CFAP91: variants seen among roughly 807,000 people sequenced by gnomAD.
CFAP91 encodes the protein cilia- and flagella-associated protein 91.
Under a neutral mutation model 95.9 loss-of-function variants are expected in CFAP91, and 85 were observed. The ratio of observed to expected loss-of-function variants is 0.89; its 90% CI spans 0.74 to 1.06. The LOEUF (loss-of-function observed/expected upper bound fraction) is 1.06. Among genes scored for constraint, CFAP91 ranks in the 50% least tolerant of loss-of-function variants. CFAP91 has a pLI of 0.00. For synonymous variants in CFAP91, 335 were observed against 327.5 expected, an observed-to-expected ratio of 1.02 and a Z score of -0.25; for missense variants, 962 against 943.4, an observed-to-expected ratio of 1.02 and a Z score of -0.26.
Position 119,730,245 on chromosome 3 carries a change from C to A in CFAP91, c.886C>A (p.Leu296Ile), listed in dbSNP as rs1160606978. The change falls in exon 8 of 18, where the codon CTA becomes ATA. Residue 296 changes from leucine (L) to isoleucine (I), a missense_variant. By Grantham distance (5) the Leu-to-Ile change is conservative. Transcript: ENST00000273390. ...EKLQEIRLEV[L>I]KELLRKREEN... is the part of the protein sequence containing the mutation. ...ACTGCAGGAGATTCGCCTGGAAGTT[C>A]TAAAAGAGCTGTTGAGGAAGCGTGA... 1.2e-6 allele frequency: 2 copies of A among 1,613,692 alleles called. No homozygotes were observed. The highest frequency in any genetic ancestry group is 1.7e-6 in the Non-Finnish European group (2 of 1,179,882).
At chr3:119,705,511 G>T (rs540631584) in intron 1 of CFAP91, among the ~76,000 whole-genome samples, 2 of 152,222 alleles carry the variant, frequency 1.3e-5, no homozygotes, top group Admixed American at 6.5e-5. Context: ...CTGTTCTTCA[G>T]ATGTATCAGG....
Position 119,706,856 on chromosome 3 carries a change from A to G in CFAP91, c.172A>G (p.Ile58Val), listed in dbSNP as rs1354596062. The change falls in exon 2 of 18, where the codon ATC becomes GTC. Residue 58 changes from isoleucine to valine, a missense_variant. Ile to Val is a conservative substitution (Grantham distance 29, BLOSUM62 3). Transcript: ENST00000273390. ...SSEKDHTQAN[I>V]QATLIRSRLR... is the part of the protein sequence containing the mutation. ...TGAGAAAGACCATACACAGGCAAAT[A>G]TCCAAGCTACCCTGATTCGCAGCAG... is the stretch of plus-strand genomic sequence containing the variant. 2 of 1,613,206 alleles carry G rather than the reference A, an allele frequency of 1.2e-6. No homozygotes were observed. Among genetic ancestry groups the G allele is most frequent in the African/African-American group, 1.3e-5 (1 of 74,596 alleles).
intron 17 of CFAP91, among the ~76,000 whole-genome samples, chr3:119,755,598 C>T (rs2054412157): frequency 6.6e-6 from 1 of 152,150 alleles, no homozygotes; most frequent in African/African-American, 2.4e-5. Context: ...TCAACCAAAA[C>T]TAACCATGCT....
intron 16 of CFAP91, 85 bp downstream of exon 16, chr3:119,747,987 G>C: frequency 9.6e-7 from 1 of 1,040,834 alleles, no homozygotes; most frequent in African/African-American, 1.6e-5. Context: ...ATTAAACAGA[G>C]GGATGAGGAA....
In CFAP91 at chr3:119,724,037, G is replaced by T. The variant is rs1259263906; in HGVS notation, c.683-2134G>T. Among the ~76,000 whole-genome samples the T allele has an allele frequency of 3.9e-5, 6 of 151,988 alleles. No individual in the cohort carries two copies. In the East Asian group the frequency reaches 7.7e-4, roughly 20 times the overall value. On this transcript the variant is annotated intron_variant, in intron 6 of 17. Transcript: ENST00000273390. ...AAATGAGCCAGGCGTGGTGGCAGGTGCCTGTAAGTAATCCCAGCTACTAGG... is the reference window on the plus strand; with the variant it reads ...AAATGAGCCAGGCGTGGTGGCAGGTTCCTGTAAGTAATCCCAGCTACTAGG...
rs770777389 is a variant in CFAP91 at position 119,736,268 on chromosome 3, G to GTTTTTTT, written c.1345-1083_1345-1077dup. Among the ~76,000 whole-genome samples the GTTTTTTT allele has an allele frequency of 1.7e-3, 146 of 85,308 alleles. 1 individual carries two copies. Among genetic ancestry groups the GTTTTTTT allele is most frequent in the African/African-American group, 1.9e-3 (39 of 20,608 alleles). The allele number at this position is 85,308 out of a possible 152,430, so 56.0% of individuals were successfully genotyped here. ...ACCACTATTCTACTTTCTTTCTATT[G>GTTTTTTT]TTTTTTTTTTTTTTTTTTTTTGAGT... On this transcript the variant is annotated intron_variant, in intron 10 of 17. Transcript: ENST00000273390.
At chr3:119,744,719 C>T (rs75262697) in intron 14 of CFAP91, among the ~76,000 whole-genome samples, 7 of 152,074 alleles carry the variant, frequency 4.6e-5, no homozygotes, top group South Asian at 2.1e-4. Flanking sequence ...GTTTATATTT[C>T]GTTTGGGACA....
intron 13 of CFAP91, among the ~76,000 whole-genome samples, chr3:119,743,433 C>T (rs886474977): frequency 5.9e-5 from 9 of 152,150 alleles, no homozygotes; most frequent in South Asian, 4.1e-4. Flanking sequence ...TGTGCTATTT[C>T]GAATATTGTT....
At chr3:119,718,573 C>A (rs535333674) in intron 6 of CFAP91, among the ~76,000 whole-genome samples, 2 of 151,560 alleles carry the variant, frequency 1.3e-5, no homozygotes, top group African/African-American at 4.8e-5. Flanking sequence ...GAGTACCAAG[C>A]AGAATGATTT....
intron 7 of CFAP91, 78 bp from the exon 8 acceptor site, chr3:119,730,142 G>C: frequency 7.2e-7 from 1 of 1,397,338 alleles, no homozygotes; most frequent in Non-Finnish European, 9.9e-7. Flanking sequence ...ACAGAGAAGA[G>C]CCTGTCTGTG....
intron 1 of CFAP91, among the ~76,000 whole-genome samples, chr3:119,704,906 A>C (rs1298643243): frequency 1.3e-5 from 2 of 152,258 alleles, no homozygotes; most frequent in Non-Finnish European, 2.9e-5. Context: ...TCAGTACAAT[A>C]ACATGCTGTA....
chr3:119,752,718 GTGACC>G (rs1234576469), intron 17 of CFAP91, among the ~76,000 whole-genome samples: 1 of 152,124 alleles, frequency 6.6e-6, no homozygotes, highest in Non-Finnish European at 1.5e-5. Flanking sequence ...GACATCCATA[GTGACC>G]TGTGAAATCA....
At position 119,730,234 on chromosome 3, in the gene CFAP91, G is replaced by A. The variant is rs201238294; in HGVS notation, c.875G>A (p.Arg292His). 37 of 1,613,484 alleles carry A rather than the reference G, an allele frequency of 2.3e-5. No homozygotes were observed. Among genetic ancestry groups the A allele is most frequent in the South Asian group, 9.9e-5 (9 of 90,968 alleles). Reference sequence around the variant, plus strand: ...TTTACTTGAAGACTGCAGGAGATTCGCCTGGAAGTTCTAAAAGAGCTGTTG... The same window carrying A: ...TTTACTTGAAGACTGCAGGAGATTCACCTGGAAGTTCTAAAAGAGCTGTTG... Reference protein sequence around the residue: ...EQEIEKLQEIRLEVLKELLRK... With the variant: ...EQEIEKLQEIHLEVLKELLRK... The change falls in exon 8 of 18, where the codon CGC becomes CAC. Residue 292 changes from arginine (R) to histidine (H), a missense_variant. Transcript: ENST00000273390.
intron 1 of CFAP91, among the ~76,000 whole-genome samples, chr3:119,704,206 A>C (rs1394894598): frequency 2.0e-5 from 3 of 152,198 alleles, no homozygotes; most frequent in Non-Finnish European, 4.4e-5. Flanking sequence ...TTTGAGAAGG[A>C]GGACAAACAT....
chr3:119,743,603 C>T (rs1313633422), intron 13 of CFAP91, among the ~76,000 whole-genome samples: 1 of 152,072 alleles, frequency 6.6e-6, no homozygotes, highest in Non-Finnish European at 1.5e-5. Context: ...GATTAAACTC[C>T]AATATTATCT....
At chr3:119,708,894 T>G (rs1165239128) in intron 4 of CFAP91, among the ~76,000 whole-genome samples, 2 of 152,196 alleles carry the variant, frequency 1.3e-5, no homozygotes, top group African/African-American at 4.8e-5. Flanking sequence ...AGATGATAAA[T>G]AGATTGCTCA....
chr3:119,752,514 A>G (rs2054344138), intron 17 of CFAP91: 1 of 152,240 alleles, frequency 6.6e-6, no homozygotes, highest in African/African-American at 2.4e-5. Context: ...CATCTATTAC[A>G]TGTAATGTTA....
At chr3:119,706,597 A>G (rs893839918) in intron 1 of CFAP91, 2 of 509,990 alleles carry the variant, frequency 3.9e-6, no homozygotes, top group African/African-American at 1.9e-5. Flanking sequence ...TGGAATACTC[A>G]GAAAAGAAAA....
At chr3:119,704,327 G>A (rs534659580) in intron 1 of CFAP91, among the ~76,000 whole-genome samples, 2 of 152,188 alleles carry the variant, frequency 1.3e-5, no homozygotes, top group South Asian at 4.1e-4. Flanking sequence ...AATTCACTCA[G>A]AGTAGATCAA....
Sources: gnomAD v4.1 joint callset for allele counts (sites outside exome capture counted in the v4.1 genomes callset) on GRCh38, gnomAD v4.1.1 for gene constraint, MANE v1.5 for transcripts, NCBI Gene and HGNC (gene_info 2026-07-23, HGNC 2026-07-21) for gene names.